Variants in ANKRD27 observed in about 807,000 individuals in gnomAD.
The protein encoded by ANKRD27 is ankyrin repeat domain 27.
ANKRD27 carries 112 observed loss-of-function variants against 129.7 expected under a neutral mutation model. The ratio of observed to expected loss-of-function variants is 0.86; its 90% CI spans 0.74 to 1.01. ANKRD27 has a LOEUF of 1.01. Among genes scored for constraint, ANKRD27 ranks in the 50% least tolerant of loss-of-function variants. The pLI, the probability that ANKRD27 is intolerant of heterozygous loss-of-function variation, is 0.00. For missense variants in ANKRD27, 1,258 were observed against 1,300.5 expected (o/e 0.97, Z 0.50); for synonymous variants, 516 against 511.2 (o/e 1.01, Z -0.13).
chr19:32,656,108 A>AAAG lies in ANKRD27; in HGVS notation c.102+2805_102+2806insCTT, dbSNP rs3042683. 5.4e-3 allele frequency among the ~76,000 whole-genome samples: 559 copies of AAAG among 102,906 alleles called. 1 individual carries two copies. The highest frequency in any genetic ancestry group is 0.03 in the East Asian group (77 of 2,588). The allele number at this position is 102,906 out of a possible 152,430, so 67.5% of individuals were successfully genotyped here. ...GAAAGAAAGAAAGAAAGAAAGAAAG[A>AAAG]AAAGAAAAGAAAAGAAAAGAAAAGA... On this transcript the variant is annotated intron_variant, in intron 2 of 28. Transcript: ENST00000306065.
rs1364603354 is a variant in ANKRD27 at position 32,658,962 on chromosome 19, T to G, written c.54A>C (p.Gln18His). ...TGCTGCACAAGTCAGGGCGGCACTTTTGCAGAGCCAGATAGAAAGGATTTT... is the reference window on the plus strand; with the variant it reads ...TGCTGCACAAGTCAGGGCGGCACTTGTGCAGAGCCAGATAGAAAGGATTTT... ...LLKNPFYLAL[Q>H]KCRPDLCSKV... Residue 18 changes from glutamine to histidine, a missense_variant, in exon 2 of 29, where the codon CAA becomes CAC. Coordinates refer to ENST00000306065, the MANE Select transcript of ANKRD27 (RefSeq NM_032139.3). 6.2e-7 allele frequency: 1 copy of G among 1,614,108 alleles called. No individual in the cohort carries two copies. The highest frequency in any genetic ancestry group is 8.5e-7 in the Non-Finnish European group (1 of 1,180,022).
intron 1 of ANKRD27, among the ~76,000 whole-genome samples, chr19:32,672,245 G>A (rs1023126203): frequency 6.6e-6 from 1 of 152,228 alleles, no homozygotes; most frequent in African/African-American, 2.4e-5. Context: ...AGGAAAAGGC[G>A]AAAAACGAAA....
At position 32,642,035 on chromosome 19, in the gene ANKRD27, G is replaced by A. The variant is rs776901334; in HGVS notation, c.893C>T (p.Pro298Leu). The change falls in exon 10 of 29, where the codon CCA (proline) becomes CTA (leucine). Residue 298 changes from proline to leucine, a missense_variant. Transcript: ENST00000306065. Reference protein sequence around the residue: ...RKVVQLITQSPSQRVNLETMC... With the variant: ...RKVVQLITQSLSQRVNLETMC... ...TTCCAAGCACAAACCTCTCTGGCTT[G>A]GAGACTGTGTAATGAGCTGCACCAC... is the stretch of plus-strand genomic sequence containing the variant. 3 of 1,599,566 alleles carry A rather than the reference G, an allele frequency of 1.9e-6. No individual in the cohort carries two copies. The highest frequency in any genetic ancestry group is 2.2e-5 in the South Asian group (2 of 89,756).
chr19:32,603,477 G>A (rs370268795), intron 25 of ANKRD27, among the ~76,000 whole-genome samples: 5 of 152,290 alleles, frequency 3.3e-5, no homozygotes, highest in African/African-American at 4.8e-5. Flanking sequence ...CGCTCTCCAC[G>A]CAAGCATCCA....
chr19:32,659,433 C>T (rs12461896), intron 1 of ANKRD27, among the ~76,000 whole-genome samples: 15,963 of 152,058 alleles, frequency 0.1, 1,088 homozygotes, highest in East Asian at 0.25. Flanking sequence ...GGATTCATGA[C>T]GTGCCATTTT....
intron 22 of ANKRD27, among the ~76,000 whole-genome samples, chr19:32,608,960 C>T (rs924317001): frequency 3.3e-5 from 5 of 152,136 alleles, no homozygotes; most frequent in Admixed American, 1.3e-4. Context: ...TCTGCCTCTC[C>T]GGTTCAAGCG....
chr19:32,645,351 G>A (rs541335716), intron 4 of ANKRD27, among the ~76,000 whole-genome samples: 1 of 152,166 alleles, frequency 6.6e-6, no homozygotes, highest in Admixed American at 6.5e-5. Flanking sequence ...GCTGGAGGCT[G>A]CAGTGAGCCA....
In ANKRD27 at chr19:32,605,856, C is replaced by T. The variant is rs1158555702; in HGVS notation, c.2472G>A (p.Glu824=). ...LIYACSGGHH[E]LVALLLQHGA... is the part of the protein sequence containing the mutation. ...TCACCTGTAGCAGCAGTGCCACAAGCTCGTGATGGCCACCGGAGCAGGCGT... is the reference window on the plus strand; with the variant it reads ...TCACCTGTAGCAGCAGTGCCACAAGTTCGTGATGGCCACCGGAGCAGGCGT... Residue 824 remains glutamate, a synonymous_variant, in exon 24 of 29, where the codon GAG becomes GAA. Transcript: ENST00000306065. 1.9e-6 allele frequency: 3 copies of T among 1,613,912 alleles called. No homozygotes were observed. The highest frequency in any genetic ancestry group is 3.3e-5 in the Admixed American group (2 of 60,012).
At chr19:32,665,907 TACAC>T (rs1967745382) in intron 1 of ANKRD27, among the ~76,000 whole-genome samples, 1 of 151,762 alleles carries the variant, frequency 6.6e-6, no homozygotes, top group Non-Finnish European at 1.5e-5. Context: ...GACTACAGAC[TACAC>T]GCCACAACAC....
chr19:32,611,487 C>T (rs1971834828), intron 22 of ANKRD27, among the ~76,000 whole-genome samples: 1 of 152,210 alleles, frequency 6.6e-6, no homozygotes, highest in Admixed American at 6.5e-5. Flanking sequence ...TTTCAATATC[C>T]TTAGAGTCAC....
chr19:32,643,739 T>C, intron 5 of ANKRD27, 108 bp from the exon 6 acceptor site: 10 of 1,091,992 alleles, frequency 9.2e-6, no homozygotes, highest in Non-Finnish European at 1.2e-5. Flanking sequence ...ACAAGCTTTA[T>C]GAAGTCAATT....
At position 32,628,141 on chromosome 19, in the gene ANKRD27, G is replaced by C; in HGVS notation, c.1362C>G (p.Val454=). 6.2e-7 allele frequency: 1 copy of C among 1,614,204 alleles called. No homozygotes were observed. The highest frequency in any genetic ancestry group is 8.5e-7 in the Non-Finnish European group (1 of 1,180,004). ...VSGRLNDPSV[V]TPFSRDDRGH... is the part of the protein sequence containing the mutation. Reference sequence around the variant, plus strand: ...CCCTGTCGTCTCTGGAGAATGGAGTGACAACTGAGGGATCATTCAACCTCC... The same window carrying C: ...CCCTGTCGTCTCTGGAGAATGGAGTCACAACTGAGGGATCATTCAACCTCC... Residue 454 remains valine, a synonymous_variant, in exon 15 of 29, where the codon GTC becomes GTG. Coordinates refer to ENST00000306065, the MANE Select transcript of ANKRD27 (RefSeq NM_032139.3).
chr19:32,672,986 G>A (rs1282516267), intron 1 of ANKRD27: 1 of 152,190 alleles, frequency 6.6e-6, no homozygotes, highest in East Asian at 1.9e-4. Context: ...CCAACCTAAT[G>A]CTGGCAAATG....
chr19:32,657,173 C>T (rs994603641), intron 2 of ANKRD27, among the ~76,000 whole-genome samples: 1 of 151,900 alleles, frequency 6.6e-6, no homozygotes, highest in African/African-American at 2.4e-5. Flanking sequence ...ACTAAAAATA[C>T]AAAAATTAGG....
chr19:32,628,778 G>A lies in ANKRD27; in HGVS notation c.1281C>T (p.Val427=), dbSNP rs752873029. 9 of 1,614,132 alleles carry A rather than the reference G, an allele frequency of 5.6e-6. No individual in the cohort carries two copies. The highest frequency in any genetic ancestry group is 6.8e-6 in the Non-Finnish European group (8 of 1,180,018). Residue 427 remains valine, a synonymous_variant, in exon 14 of 29, where the codon GTC becomes GTT. Transcript: ENST00000306065. ...AGCAGAGAGGGTGACACATCTTTTG[G>A]ACGGTATCTTTATCATGGTCCTCTT... ...LSQEDHDKDT[V]QKMCHPLCFC... is the part of the protein sequence containing the mutation.
intron 1 of ANKRD27, among the ~76,000 whole-genome samples, chr19:32,674,416 C>A (rs1356912653): frequency 6.6e-6 from 1 of 152,188 alleles, no homozygotes; most frequent in Non-Finnish European, 1.5e-5. Context: ...CCCACGTCCC[C>A]TGCACCTCGT....
chr19:32,673,922 G>A (rs78721051), intron 1 of ANKRD27, among the ~76,000 whole-genome samples: 2,073 of 151,160 alleles, frequency 0.014, 59 homozygotes, highest in African/African-American at 0.048. Context: ...CAAGACGAGA[G>A]CATGGCTTGA....
chr19:32,656,104 AAAGAAAAGAAAAGAAAAGAAAAG>A (rs1967526527), intron 2 of ANKRD27, among the ~76,000 whole-genome samples: 3 of 115,486 alleles, frequency 2.6e-5, no homozygotes, highest in African/African-American at 1.1e-4. Flanking sequence ...AGAAAGAAAG[AAAGAAAAGAAAAGAAAAGAAAAG>A]AAAAGAAAAG....
In ANKRD27 at chr19:32,614,694, A is replaced by T. The variant is rs370637301; in HGVS notation, c.2175+964T>A. ...GCAAGGCTCTATCTCAAAAAATAAAAAAATAAATAAATAAAAAGAACAAGG... is the reference window on the plus strand; with the variant it reads ...GCAAGGCTCTATCTCAAAAAATAAATAAATAAATAAATAAAAAGAACAAGG... On this transcript the variant is annotated intron_variant, in intron 22 of 28. Coordinates refer to ENST00000306065, the MANE Select transcript of ANKRD27 (RefSeq NM_032139.3). 2.9e-3 allele frequency among the ~76,000 whole-genome samples: 445 copies of T among 152,234 alleles called. 3 individuals carry two copies. Among genetic ancestry groups the T allele is most frequent in the African/African-American group, 9.9e-3 (413 of 41,544 alleles).
Sources: gnomAD v4.1 joint callset for allele counts (sites outside exome capture counted in the v4.1 genomes callset) on GRCh38, gnomAD v4.1.1 for gene constraint, MANE v1.5 for transcripts, NCBI Gene and HGNC (gene_info 2026-07-23, HGNC 2026-07-21) for gene names.